The following NAP1L1 variants were observed in gnomAD, a reference collection of about 807,000 sequenced individuals.
NAP1L1 encodes the protein nucleosome assembly protein 1 like 1, also known as nucleosome assembly protein 1-like 1.
NAP1L1 carries 9 observed loss-of-function variants against 58.9 expected under a neutral mutation model. The ratio of observed to expected loss-of-function variants is 0.15; its 90% CI spans 0.09 to 0.27. The LOEUF is 0.27. Ranked by LOEUF, NAP1L1 falls within the 10% of genes least tolerant of loss-of-function variation. The pLI is 1.00. For synonymous variants in NAP1L1, 130 were observed against 138.3 expected (o/e 0.94, Z 0.42); for missense variants, 302 against 458.8 (o/e 0.66, Z 3.12).
Position 76,043,475 on chromosome 12 carries a change from C to CGG in NAP1L1, c.*4953_*4954insCC, listed in dbSNP as rs1555178390. The CGG allele has an allele frequency of 9.9e-5, 5 of 50,520 alleles. No individual in the cohort carries two copies. The highest frequency in any genetic ancestry group is 1.6e-4 in the Non-Finnish European group (4 of 24,934). The allele number at this position is 50,520 out of a possible 1,614,324, so 3.1% of individuals were successfully genotyped here. A position where few individuals can be genotyped will look rare whatever the true frequency, so the allele number is the denominator to read the frequency against. On this transcript the variant is annotated 3_prime_UTR_variant, in exon 15 of 15. Transcript: ENST00000618691. Reference sequence around the variant, plus strand: ...GGGCAAATGAAGTAAGACCCTGTCTCAGAAAAAAAAAAAAAAAAAAAAATT... The same window carrying CGG: ...GGGCAAATGAAGTAAGACCCTGTCTCGGAGAAAAAAAAAAAAAAAAAAAAATT...
Position 76,042,600 on chromosome 12 carries a change from A to G in NAP1L1, c.*5829T>C, listed in dbSNP as rs1948560940. ...CAACTGATTCCACTTATTTGAAAAT[A>G]ATTACAAATACGGACGGCAGTAGCA... On this transcript the variant is annotated 3_prime_UTR_variant, in exon 15 of 15. Transcript: ENST00000618691. 1.3e-5 allele frequency: 2 copies of G among 152,240 alleles called. No individual in the cohort carries two copies. Among genetic ancestry groups the G allele is most frequent in the African/African-American group, 4.8e-5 (2 of 41,476 alleles). The allele number at this position is 152,240 out of a possible 1,614,324, so 9.4% of individuals were successfully genotyped here. A position where few individuals can be genotyped will look rare whatever the true frequency, so the allele number is the denominator to read the frequency against.
chr12:76,038,136 A>G lies in NAP1L1; in HGVS notation c.*10293T>C, dbSNP rs1236742851. ...AGTATTATGTTGTCACAAAACTGCA[A>G]TCACTCAAAAGTGTTGATATTCTGG... On this transcript the variant is annotated 3_prime_UTR_variant, in exon 15 of 15. Transcript: ENST00000618691. 1.3e-5 allele frequency: 2 copies of G among 152,220 alleles called. No individual in the cohort carries two copies. Among genetic ancestry groups the G allele is most frequent in the African/African-American group, 2.4e-5 (1 of 41,460 alleles). The allele number at this position is 152,220 out of a possible 1,614,324, so 9.4% of individuals were successfully genotyped here. A position where few individuals can be genotyped will look rare whatever the true frequency, so the allele number is the denominator to read the frequency against.
At position 76,052,692 on chromosome 12, in the gene NAP1L1, G is replaced by C. The variant is rs1031454613; in HGVS notation, c.936+399C>G. Among the ~76,000 whole-genome samples, 67 of 152,214 alleles carry C rather than the reference G, an allele frequency of 4.4e-4. No individual in the cohort carries two copies. The Middle Eastern group carries it at 0.01, about 23-fold the overall frequency. On this transcript the variant is annotated intron_variant, in intron 11 of 14. Coordinates refer to ENST00000618691, the MANE Select transcript of NAP1L1 (RefSeq NM_004537.7). ...GTTCTTTGCCATATGCCATATATGT[G>C]AACATACTTAGTCACAATATGAAAC...
At chr12:76,075,003 C>T (rs1950116653) in intron 1 of NAP1L1, among the ~76,000 whole-genome samples, 4 of 152,140 alleles carry the variant, frequency 2.6e-5, no homozygotes, top group Admixed American at 2.6e-4. Context: ...AGTTCCTTCT[C>T]ACTAAAAGAT....
chr12:76,040,826 G>A lies in NAP1L1; in HGVS notation c.*7603C>T, dbSNP rs1948544587. ...CACTGGCCCGCCTCAGCCTCCCAAA[G>A]TGTTGGGATTACAGGCATGAGCCAC... On this transcript the variant is annotated 3_prime_UTR_variant, in exon 15 of 15. Transcript: ENST00000618691. 6.6e-6 allele frequency: 1 copy of A among 152,228 alleles called. No individual in the cohort carries two copies. The highest frequency in any genetic ancestry group is 6.5e-5 in the Admixed American group (1 of 15,274). The allele number at this position is 152,228 out of a possible 1,614,324, so 9.4% of individuals were successfully genotyped here.
At chr12:76,060,700 C>T (rs961170229) in intron 4 of NAP1L1, among the ~76,000 whole-genome samples, 2 of 152,118 alleles carry the variant, frequency 1.3e-5, no homozygotes, top group African/African-American at 4.8e-5. Flanking sequence ...ATTCCACACA[C>T]CATTATTTTT....
chr12:76,058,797 T>C (rs1364653785), intron 6 of NAP1L1, among the ~76,000 whole-genome samples: 4 of 152,232 alleles, frequency 2.6e-5, no homozygotes, highest in Admixed American at 2.6e-4. Flanking sequence ...AGAATTTGAA[T>C]TTGGCTTCCT....
chr12:76,075,769 T>C (rs948022426), intron 1 of NAP1L1, among the ~76,000 whole-genome samples: 3 of 152,250 alleles, frequency 2.0e-5, no homozygotes, highest in Non-Finnish European at 2.9e-5. Flanking sequence ...TTCTTTTTAA[T>C]ACAGGGAAAC....
rs750015932 is a variant in NAP1L1, at chr12:76,039,991, A to G, written c.*8438T>C. ...CGTGTACTTAAGGGTCACCTTATAC[A>G]TACCACTTGAGGTTCCTTTACTAAT... is the stretch of plus-strand genomic sequence containing the variant. On this transcript the variant is annotated 3_prime_UTR_variant, in exon 15 of 15. Coordinates refer to ENST00000618691, the MANE Select transcript of NAP1L1 (RefSeq NM_004537.7). The G allele has an allele frequency of 2.6e-5, 4 of 152,194 alleles. No individual in the cohort carries two copies. The highest frequency in any genetic ancestry group is 5.9e-5 in the Non-Finnish European group (4 of 68,042). 9.4% of individuals were successfully genotyped at this position (152,194 alleles called of 1,614,324 possible).
At chr12:76,079,029 C>T (rs1412383335) in intron 1 of NAP1L1, among the ~76,000 whole-genome samples, 1 of 151,846 alleles carries the variant, frequency 6.6e-6, no homozygotes, top group Non-Finnish European at 1.5e-5. Context: ...TTATCCAGCT[C>T]CGGATACATC....
In NAP1L1 at chr12:76,051,481, T is replaced by C. The variant is rs193294858; in HGVS notation, c.937-828A>G. Among the ~76,000 whole-genome samples the C allele has an allele frequency of 3.2e-4, 48 of 152,330 alleles. 1 individual carries two copies. Among genetic ancestry groups the C allele is most frequent in the Admixed American group, 2.3e-3 (35 of 15,304 alleles). On this transcript the variant is annotated intron_variant, in intron 11 of 14. Coordinates refer to ENST00000618691, the MANE Select transcript of NAP1L1 (RefSeq NM_004537.7). ...CCAAACAGCTGTACAGTTTTAAGTCTACTAATCCCAAATGAGACAGTCCTA... is the reference window on the plus strand; with the variant it reads ...CCAAACAGCTGTACAGTTTTAAGTCCACTAATCCCAAATGAGACAGTCCTA...
intron 4 of NAP1L1, 119 bp from the exon 5 acceptor site, chr12:76,060,398 A>G (rs1042788738): frequency 3.6e-5 from 34 of 945,562 alleles, no homozygotes; most frequent in Non-Finnish European, 5.0e-5. Context: ...CTGAAGCAAA[A>G]GGTAGATTCA....
Position 76,056,165 on chromosome 12 carries a change from G to C in NAP1L1, c.430-4C>G, listed in dbSNP as rs1164769817. ...TGGCCTTTTCTTTCAATTCCTCCTT[G>C]ATTAAGTGACAGCAAACATTATTTA... On this transcript the variant is annotated splice_region_variant and splice_polypyrimidine_tract_variant and intron_variant, in intron 6 of 14. Coordinates refer to ENST00000618691, the MANE Select transcript of NAP1L1 (RefSeq NM_004537.7). The C allele has an allele frequency of 6.2e-7, 1 of 1,607,668 alleles. No homozygotes were observed. Among genetic ancestry groups the C allele is most frequent in the African/African-American group, 1.3e-5 (1 of 74,150 alleles).
At position 76,055,116 on chromosome 12, in the gene NAP1L1, T is replaced by C. The variant is rs528969794; in HGVS notation, c.559-26A>G. The C allele has an allele frequency of 6.7e-6, 10 of 1,498,396 alleles. No homozygotes were observed. The East Asian group carries it at 1.6e-4, about 24-fold the overall frequency. The allele number at this position is 1,498,396 out of a possible 1,614,324, so 92.8% of individuals were successfully genotyped here. On this transcript the variant is annotated intron_variant, in intron 7 of 14. Coordinates refer to ENST00000618691, the MANE Select transcript of NAP1L1 (RefSeq NM_004537.7). Reference sequence around the variant, plus strand: ...CTTCAAATTAAAAAAATAATAAAAATGAATAACATGGCATTCGAGGACTGT... The same window carrying C: ...CTTCAAATTAAAAAAATAATAAAAACGAATAACATGGCATTCGAGGACTGT...
intron 1 of NAP1L1, among the ~76,000 whole-genome samples, chr12:76,076,452 A>T (rs1469010410): frequency 6.6e-6 from 1 of 151,674 alleles, no homozygotes. Flanking sequence ...GCAAAAATGG[A>T]ATGCTTTGCA....
At chr12:76,074,611 T>C (rs1485677865) in intron 1 of NAP1L1, among the ~76,000 whole-genome samples, 1 of 152,198 alleles carries the variant, frequency 6.6e-6, no homozygotes, top group Non-Finnish European at 1.5e-5. Context: ...TCAAGAAAGG[T>C]CAATTTCTGC....
chr12:76,065,143 G>C (rs1344150546), intron 4 of NAP1L1, among the ~76,000 whole-genome samples: 1 of 151,786 alleles, frequency 6.6e-6, no homozygotes, highest in Non-Finnish European at 1.5e-5. Context: ...GGAATGCAAG[G>C]CTAGTTTGAT....
At chr12:76,063,407 A>G (rs1949507728) in intron 4 of NAP1L1, among the ~76,000 whole-genome samples, 1 of 152,358 alleles carries the variant, frequency 6.6e-6, no homozygotes, top group African/African-American at 2.4e-5. Flanking sequence ...AAGAAGGAAG[A>G]AAGACCCAAA....
chr12:76,056,618 G>C (rs1466342651), intron 6 of NAP1L1: 7 of 455,780 alleles, frequency 1.5e-5, no homozygotes, highest in South Asian at 1.1e-4. Context: ...TTCATTGTGG[G>C]CAAGTCACTT....
Sources: gnomAD v4.1 joint callset for allele counts (sites outside exome capture counted in the v4.1 genomes callset) on GRCh38, gnomAD v4.1.1 for gene constraint, MANE v1.5 for transcripts, NCBI Gene and HGNC (gene_info 2026-07-23, HGNC 2026-07-21) for gene names.